CACNA1B: variants seen among roughly 807,000 people sequenced by gnomAD.
CACNA1B encodes voltage-dependent N-type calcium channel subunit alpha-1B.
Under a neutral mutation model 247.2 loss-of-function variants are expected in CACNA1B, and 70 were observed. The ratio of observed to expected loss-of-function variants is 0.28; its 90% CI spans 0.23 to 0.35. The LOEUF is 0.35. Ranked by LOEUF, CACNA1B falls within the 10% of genes least tolerant of loss-of-function variation. The pLI is 1.00. For missense variants in CACNA1B, 2,367 were observed against 3,197.4 expected, an observed-to-expected ratio of 0.74 and a Z score of 6.26; for synonymous variants, 1,231 against 1,294.4, an observed-to-expected ratio of 0.95 and a Z score of 1.05.
At chr9:137,962,273 C>CTT (rs917185463) in intron 10 of CACNA1B, among the ~76,000 whole-genome samples, 1 of 135,736 alleles carries the variant, frequency 7.4e-6, no homozygotes, top group Non-Finnish European at 1.6e-5. Context: ...TCTCTCTTCT[C>CTT]TTTTTTTTTA....
chr9:137,894,610 G>A (rs1056942709), intron 3 of CACNA1B, among the ~76,000 whole-genome samples: 3 of 152,076 alleles, frequency 2.0e-5, no homozygotes, highest in Admixed American at 6.5e-5. Context: ...GGGTTTCACC[G>A]TGTGAGCCAG....
At chr9:138,113,302 C>T (rs950636367) in intron 40 of CACNA1B, among the ~76,000 whole-genome samples, 1 of 145,536 alleles carries the variant, frequency 6.9e-6, no homozygotes, top group Non-Finnish European at 1.5e-5. Context: ...AATGAGGTGC[C>T]CAACTCCATC....
At chr9:138,005,774 C>T (rs1017467707) in intron 15 of CACNA1B, among the ~76,000 whole-genome samples, 36 of 152,046 alleles carry the variant, frequency 2.4e-4, no homozygotes, top group Non-Finnish European at 4.3e-4. Context: ...CAGGGTGTGG[C>T]GGCTCACGCC....
intron 3 of CACNA1B, among the ~76,000 whole-genome samples, chr9:137,912,226 G>A (rs1333699914): frequency 6.6e-6 from 1 of 152,174 alleles, no homozygotes; most frequent in South Asian, 2.1e-4. Flanking sequence ...CAAAGCTATT[G>A]GGTAGCTCCT....
At chr9:138,035,736 T>A (rs1437682303) in intron 20 of CACNA1B, among the ~76,000 whole-genome samples, 1 of 152,182 alleles carries the variant, frequency 6.6e-6, no homozygotes, top group Non-Finnish European at 1.5e-5. Context: ...TTCTTATTTA[T>A]TATTTCCTTT....
chr9:138,034,227 T>C (rs998176027), intron 20 of CACNA1B, among the ~76,000 whole-genome samples: 3 of 152,172 alleles, frequency 2.0e-5, no homozygotes, highest in Non-Finnish European at 4.4e-5. Flanking sequence ...GAAGAGATTG[T>C]CTCATTCCTG....
rs1463799704 is a variant in CACNA1B, at chr9:138,051,437, G to A, written c.3711-655G>A. On this transcript the variant is annotated intron_variant, in intron 24 of 46. Transcript: ENST00000371372. The surrounding 1 kb of genome is among the most constrained non-coding windows in gnomAD (Gnocchi z 4.3). Reference sequence around the variant, plus strand: ...GCTGCTTTCTGGGTAGCATTGATATGTCTGTCTCTATGGCTCTCCCTCCCT... The same window carrying A: ...GCTGCTTTCTGGGTAGCATTGATATATCTGTCTCTATGGCTCTCCCTCCCT... 6.6e-6 allele frequency among the ~76,000 whole-genome samples: 1 copy of A among 151,494 alleles called. No individual in the cohort carries two copies. Among genetic ancestry groups the A allele is most frequent in the Admixed American group, 6.6e-5 (1 of 15,216 alleles).
chr9:138,097,622 A>G (rs1302725699), intron 37 of CACNA1B, among the ~76,000 whole-genome samples: 3 of 151,042 alleles, frequency 2.0e-5, no homozygotes, highest in African/African-American at 7.3e-5. Context: ...GACATCCACC[A>G]CTCCCCGTGC....
At chr9:137,977,940 A>AC (rs1219681004) in intron 12 of CACNA1B, among the ~76,000 whole-genome samples, 19 of 124,500 alleles carry the variant, frequency 1.5e-4, no homozygotes, top group South Asian at 2.8e-4. Context: ...TGGGAGCACT[A>AC]CCCCCCCCAG....
chr9:137,952,387 C>T lies in CACNA1B; in HGVS notation c.1070+10C>T. ...TGGGCGTGCTCTCGGGGTGAGAGACCATGTGGGGGATGTGCAGGTGCCCCT... is the reference window on the plus strand; with the variant it reads ...TGGGCGTGCTCTCGGGGTGAGAGACTATGTGGGGGATGTGCAGGTGCCCCT... On this transcript the variant is annotated intron_variant, in intron 7 of 46. Coordinates refer to ENST00000371372, the MANE Select transcript of CACNA1B (RefSeq NM_000718.4). The surrounding 1 kb of genome is among the most constrained non-coding windows in gnomAD (Gnocchi z 4.8). The T allele has an allele frequency of 6.2e-7, 1 of 1,606,982 alleles. No individual in the cohort carries two copies.
chr9:137,902,769 C>T (rs1957253854), intron 3 of CACNA1B, among the ~76,000 whole-genome samples: 1 of 152,218 alleles, frequency 6.6e-6, no homozygotes, highest in African/African-American at 2.4e-5. Flanking sequence ...CGGGCACCCC[C>T]CTCCTGTCGT....
At chr9:137,903,759 T>G (rs75390079) in intron 3 of CACNA1B, among the ~76,000 whole-genome samples, 1 of 152,342 alleles carries the variant, frequency 6.6e-6, no homozygotes, top group South Asian at 2.1e-4. Flanking sequence ...CTTTTTTTTT[T>G]GTAAATAGAT....
rs963090229 is a variant in CACNA1B, at chr9:137,959,033, T to C, written c.1333+1346T>C. On this transcript the variant is annotated intron_variant, in intron 10 of 46. Transcript: ENST00000371372. ...AATAATGAGATACCAATGTATATCA[T>C]AGATCTGAATGTTTTATCATCTTAT... Among the ~76,000 whole-genome samples the C allele has an allele frequency of 2.6e-5, 4 of 152,194 alleles. No individual in the cohort carries two copies. The South Asian group carries it at 6.2e-4, about 24-fold the overall frequency.
intron 15 of CACNA1B, among the ~76,000 whole-genome samples, chr9:137,993,250 T>C (rs1255658351): frequency 3.3e-5 from 5 of 152,228 alleles, no homozygotes; most frequent in Non-Finnish European, 7.4e-5. Context: ...AAAAAGCTGG[T>C]TCTTTTTAGA....
At chr9:138,074,297 A>G (rs562311989) in intron 34 of CACNA1B, among the ~76,000 whole-genome samples, 11 of 151,166 alleles carry the variant, frequency 7.3e-5, no homozygotes, top group East Asian at 5.8e-4. Context: ...CTGGAGTGCA[A>G]TGGTGTGATC....
At chr9:137,961,853 G>T (rs927511609) in intron 10 of CACNA1B, among the ~76,000 whole-genome samples, 2 of 152,054 alleles carry the variant, frequency 1.3e-5, no homozygotes, top group African/African-American at 4.8e-5. Context: ...TTTTTTTGTT[G>T]TATCTGTCAG....
intron 44 of CACNA1B, 116 bp from the exon 45 acceptor site, chr9:138,120,049 C>A (rs1411579911): frequency 3.5e-6 from 3 of 869,552 alleles, no homozygotes; most frequent in Non-Finnish European, 3.5e-6. Context: ...ACTGTGAGAC[C>A]AGGATGGGGG....
Position 138,122,362 on chromosome 9 carries a change from G to A in CACNA1B, c.*363G>A. The A allele has an allele frequency of 3.5e-6, 1 of 285,046 alleles. No homozygotes were observed. The highest frequency in any genetic ancestry group is 6.6e-6 in the Non-Finnish European group (1 of 151,104). 17.7% of individuals were successfully genotyped at this position (285,046 alleles called of 1,614,324 possible). On this transcript the variant is annotated 3_prime_UTR_variant, in exon 47 of 47. Coordinates refer to ENST00000371372, the MANE Select transcript of CACNA1B (RefSeq NM_000718.4). Reference sequence around the variant, plus strand: ...GCCGTTGTGAGGAGCTCTGCGTCCTGTGGGGAGCACCCTTCACGTGGCCGT... The same window carrying A: ...GCCGTTGTGAGGAGCTCTGCGTCCTATGGGGAGCACCCTTCACGTGGCCGT...
chr9:138,011,124 G>C lies in CACNA1B; in HGVS notation c.2160+1047G>C, dbSNP rs1184654020. Among the ~76,000 whole-genome samples, 1 of 152,204 alleles carries C rather than the reference G, an allele frequency of 6.6e-6. No homozygotes were observed. Among genetic ancestry groups the C allele is most frequent in the Non-Finnish European group, 1.5e-5 (1 of 68,032 alleles). ...GCCCGGATTCCTCCCTGGCGCTCTG[G>C]TTTCTGGCTTCTCTCTGTTCCTGTC... On this transcript the variant is annotated intron_variant, in intron 17 of 46. Transcript: ENST00000371372. This position sits in a 1 kb window ranked among gnomAD's most constrained non-coding sequence, Gnocchi z 4.2.
Sources: allele counts gnomAD v4.1 joint callset (sites outside exome capture counted in the v4.1 genomes callset), GRCh38; gene constraint gnomAD v4.1.1; non-coding constraint Gnocchi (gnomAD v3.1); transcripts MANE v1.5; gene names NCBI Gene and HGNC (gene_info 2026-07-23, HGNC 2026-07-21).